MECR: variants seen among roughly 807,000 people sequenced by gnomAD.
The protein encoded by MECR is mitochondrial trans-2-enoyl-CoA reductase.
In MECR, 37 loss-of-function variants were observed where a neutral mutation model predicts 49.1. That is an observed-to-expected ratio of 0.75 (90% CI 0.58 to 0.99). The LOEUF (loss-of-function observed/expected upper bound fraction) is 0.99. Among genes scored for constraint, MECR ranks in the 50% least tolerant of loss-of-function variants. MECR has a pLI of 0.00. For synonymous variants in MECR, 198 were observed against 191.1 expected (o/e 1.04, Z -0.30); for missense variants, 470 against 479.6 (o/e 0.98, Z 0.19).
chr1:29,224,428 G>C (rs2151914852), intron 1 of MECR: 1 of 152,284 alleles, frequency 6.6e-6, no homozygotes, highest in South Asian at 2.1e-4. Flanking sequence ...AACAACCATT[G>C]GTGAGCAGGC....
At chr1:29,178,447 C>A in the MECR span, among the ~76,000 whole-genome samples, 2 of 151,454 alleles carry the variant, frequency 1.3e-5, no homozygotes, top group African/African-American at 4.9e-5. Context: ...AGGTTCACGC[C>A]ATTCTCCTGC....
chr1:29,203,513 C>T (rs1002804083), intron 4 of MECR, among the ~76,000 whole-genome samples: 1 of 152,216 alleles, frequency 6.6e-6, no homozygotes, highest in Non-Finnish European at 1.5e-5. Flanking sequence ...TATTTTATAG[C>T]CTTCGTCATC....
chr1:29,190,347 T>A (rs1673096242), downstream of MECR, among the ~76,000 whole-genome samples: 2 of 149,624 alleles, frequency 1.3e-5, no homozygotes. Context: ...CCAGACTCCG[T>A]CTCAAAAAAA....
intron 6 of MECR, 50 bp from the exon 7 acceptor site, chr1:29,200,639 G>C (rs774899584): frequency 6.5e-7 from 1 of 1,543,438 alleles, no homozygotes; most frequent in South Asian, 1.1e-5. Flanking sequence ...TCTACATATG[G>C]GGTCTGAAGC....
At chr1:29,168,790 GTGAA>G in the MECR span, 4 of 152,196 alleles carry the variant, frequency 2.6e-5, no homozygotes, top group African/African-American at 7.2e-5. Flanking sequence ...CGTGGTGGAT[GTGAA>G]TGAATATTGG....
At chr1:29,185,177 C>T in the MECR span, among the ~76,000 whole-genome samples, 1 of 152,192 alleles carries the variant, frequency 6.6e-6, no homozygotes, top group South Asian at 2.1e-4. Flanking sequence ...CCTTCTGGAC[C>T]TCCCAGTGTT....
intron 7 of MECR, 131 bp from the exon 8 acceptor site, chr1:29,196,389 GA>G: frequency 1.2e-6 from 1 of 817,104 alleles, no homozygotes; most frequent in Non-Finnish European, 1.9e-6. Context: ...GGGAAAGGTT[GA>G]AAAATACAGA....
the MECR span, among the ~76,000 whole-genome samples, chr1:29,180,202 A>G: frequency 1.3e-5 from 2 of 152,162 alleles, no homozygotes; most frequent in African/African-American, 4.8e-5. Context: ...CAAAATCCAC[A>G]CTTTGTCCAC....
At chr1:29,213,496 A>G (rs1678552313) in intron 3 of MECR, among the ~76,000 whole-genome samples, 2 of 152,128 alleles carry the variant, frequency 1.3e-5, no homozygotes, top group Non-Finnish European at 1.5e-5. Flanking sequence ...TGTATCACAG[A>G]GGAGGGTGAG....
At position 29,201,862 on chromosome 1, in the gene MECR, C is replaced by A. The variant is rs1452442522; in HGVS notation, c.756+81G>T. 3 of 1,204,156 alleles carry A rather than the reference C, an allele frequency of 2.5e-6. No individual in the cohort carries two copies. Among genetic ancestry groups the A allele is most frequent in the Non-Finnish European group, 3.7e-6 (3 of 812,770 alleles). The allele number at this position is 1,204,156 out of a possible 1,614,324, so 74.6% of individuals were successfully genotyped here. A position where few individuals can be genotyped will look rare whatever the true frequency, so the allele number is the denominator to read the frequency against. ...TCCAGAGAGGAACAATGGGGCCAGTCCCCAGTTTCTCTAATGCATGTCAAC... is the reference window on the plus strand; with the variant it reads ...TCCAGAGAGGAACAATGGGGCCAGTACCCAGTTTCTCTAATGCATGTCAAC... On this transcript the variant is annotated intron_variant, in intron 6 of 9. Coordinates refer to ENST00000263702, the MANE Select transcript of MECR (RefSeq NM_016011.5). The surrounding 1 kb of genome is among the most constrained non-coding windows in gnomAD (Gnocchi z 4.3).
the MECR span, among the ~76,000 whole-genome samples, chr1:29,184,143 G>A: frequency 6.7e-6 from 1 of 148,444 alleles, no homozygotes; most frequent in South Asian, 2.1e-4. Flanking sequence ...CTCCCAGAGT[G>A]CTGGGACTAC....
the MECR span, chr1:29,181,988 C>G: frequency 2.7e-6 from 1 of 365,396 alleles, no homozygotes; most frequent in Non-Finnish European, 4.8e-6. Context: ...CCCGCTCGGC[C>G]AGGACTGGGG....
chr1:29,230,650 CCT>C, intron 1 of MECR, 79 bp downstream of exon 1: 1 of 1,498,360 alleles, frequency 6.7e-7, no homozygotes, highest in Non-Finnish European at 9.0e-7. Flanking sequence ...GGACCCTGTC[CCT>C]CTCTTCCCAG....
chr1:29,204,841 T>C (rs1005073857), intron 4 of MECR, among the ~76,000 whole-genome samples: 5 of 152,232 alleles, frequency 3.3e-5, no homozygotes, highest in Admixed American at 3.3e-4. Context: ...GCCACTGGCT[T>C]TCTCCACCAA....
chr1:29,178,562 T>G, the MECR span, among the ~76,000 whole-genome samples: 3 of 151,888 alleles, frequency 2.0e-5, no homozygotes, highest in Admixed American at 2.0e-4. Context: ...TTCACCATCT[T>G]AACCAGGATG....
At chr1:29,209,386 ATGAG>A (rs2151879480) in intron 3 of MECR, among the ~76,000 whole-genome samples, 1 of 152,302 alleles carries the variant, frequency 6.6e-6, no homozygotes, top group African/African-American at 2.4e-5. Flanking sequence ...GTTTTAGTGA[ATGAG>A]TGAGTGGGAA....
At chr1:29,212,915 C>A (rs1015980060) in intron 3 of MECR, among the ~76,000 whole-genome samples, 2 of 152,192 alleles carry the variant, frequency 1.3e-5, no homozygotes, top group Non-Finnish European at 1.5e-5. Flanking sequence ...CCCACCAGTG[C>A]TGTGCCTTCT....
At chr1:29,204,373 T>C (rs1006998069) in intron 4 of MECR, among the ~76,000 whole-genome samples, 1 of 152,098 alleles carries the variant, frequency 6.6e-6, no homozygotes, top group Non-Finnish European at 1.5e-5. Flanking sequence ...GGAAGAAGAA[T>C]GCCCACTCGT....
downstream of MECR, among the ~76,000 whole-genome samples, chr1:29,190,330 G>A (rs2151834927): frequency 6.6e-6 from 1 of 151,986 alleles, no homozygotes; most frequent in Non-Finnish European, 1.5e-5. Flanking sequence ...AGCCGACATC[G>A]CGCCACCCAG....
Sources: gnomAD v4.1 joint callset for allele counts (sites outside exome capture counted in the v4.1 genomes callset) on GRCh38, gnomAD v4.1.1 for gene constraint, Gnocchi (gnomAD v3.1) non-coding constraint, MANE v1.5 for transcripts, NCBI Gene and HGNC (gene_info 2026-07-23, HGNC 2026-07-21) for gene names.